Variants in ACACA observed in about 807,000 individuals in gnomAD.
ACACA encodes the protein acetyl-CoA carboxylase alpha.
Under a neutral mutation model 296.1 loss-of-function variants are expected in ACACA, and 103 were observed. The ratio of observed to expected loss-of-function variants is 0.35; its 90% CI spans 0.30 to 0.41. The LOEUF (loss-of-function observed/expected upper bound fraction) is 0.41, where lower values mean the gene tolerates loss of function less well. Among genes scored for constraint, ACACA ranks in the 10% least tolerant of loss-of-function variants. The probability of loss-of-function intolerance (pLI) is 1.00; values close to 1 mark genes in which losing one functional copy is unlikely to be tolerated. For missense variants in ACACA, 1,554 were observed against 2,989.7 expected, an observed-to-expected ratio of 0.52 and a Z score of 11.20; for synonymous variants, 953 against 1,038.6, an observed-to-expected ratio of 0.92 and a Z score of 1.58.
In ACACA at chr17:37,233,651, G is replaced by A. The variant is rs189335255; in HGVS notation, c.3246+1324C>T. On this transcript the variant is annotated intron_variant, in intron 25 of 55. Transcript: ENST00000616317. Reference sequence around the variant, plus strand: ...TTACCCTTTTCTGACAGAAAGTCTTGGCTTTATCCAAATGAGATTTAACAA... The same window carrying A: ...TTACCCTTTTCTGACAGAAAGTCTTAGCTTTATCCAAATGAGATTTAACAA... Among the ~76,000 whole-genome samples the A allele has an allele frequency of 3.9e-5, 6 of 151,988 alleles. No individual in the cohort carries two copies. The East Asian group carries it at 9.7e-4, about 24-fold the overall frequency.
chr17:37,334,503 G>C (rs73285165), intron 2 of ACACA, among the ~76,000 whole-genome samples: 2 of 151,924 alleles, frequency 1.3e-5, no homozygotes, highest in African/African-American at 4.8e-5. Flanking sequence ...AAAGTGGCTG[G>C]AGCGGAGTCT....
chr17:37,128,023 TCAAAAAAAA>T (rs2074892255), intron 47 of ACACA, among the ~76,000 whole-genome samples: 2 of 22,558 alleles, frequency 8.9e-5, no homozygotes, highest in East Asian at 9.2e-4. Flanking sequence ...AAACTCCATC[TCAAAAAAAA>T]AAAAAAAAAA....
intron 50 of ACACA, among the ~76,000 whole-genome samples, chr17:37,118,144 T>C (rs1404022644): frequency 6.6e-6 from 1 of 152,206 alleles, no homozygotes; most frequent in Non-Finnish European, 1.5e-5. Context: ...CTATCTTCCC[T>C]AAGTCTTATT....
chr17:37,094,554 A>G (rs1376191284), intron 54 of ACACA, among the ~76,000 whole-genome samples: 2 of 143,196 alleles, frequency 1.4e-5, no homozygotes, highest in Non-Finnish European at 3.0e-5. Flanking sequence ...CACAGTATCT[A>G]TCATTCTTTG....
rs60788220 is a variant in ACACA, at chr17:37,390,175, T to TATATATATACACACACAC, written c.38+16086_38+16087insGTGTGTGTGTATATATAT. 4.0e-4 allele frequency among the ~76,000 whole-genome samples: 18 copies of TATATATATACACACACAC among 44,484 alleles called. 1 individual carries two copies. The highest frequency in any genetic ancestry group is 2.0e-3 in the African/African-American group (17 of 8,558). The allele number at this position is 44,484 out of a possible 152,430, so 29.2% of individuals were successfully genotyped here. A position where few individuals can be genotyped will look rare whatever the true frequency, so the allele number is the denominator to read the frequency against. On this transcript the variant is annotated intron_variant, in intron 1 of 55. Coordinates refer to ENST00000616317, the MANE Select transcript of ACACA (RefSeq NM_198834.3). The stretch of plus-strand genomic sequence containing the variant: ...ATATATATATATATATATATATATA[T>TATATATATACACACACAC]ACACACACACATTATATATAAATAT...
chr17:37,298,529 A>G (rs755349091), intron 3 of ACACA, among the ~76,000 whole-genome samples: 1 of 151,666 alleles, frequency 6.6e-6, no homozygotes, highest in Non-Finnish European at 1.5e-5. Flanking sequence ...AAAAAACTTG[A>G]AAAAAAAATT....
chr17:37,117,277 C>T (rs551058594), intron 50 of ACACA, among the ~76,000 whole-genome samples: 6 of 152,278 alleles, frequency 3.9e-5, no homozygotes, highest in African/African-American at 1.4e-4. Flanking sequence ...TAATGTCTCT[C>T]CTTAGTTCAT....
Position 37,207,271 on chromosome 17 carries a change from T to G in ACACA, c.3851+386A>C, listed in dbSNP as rs370766650. On this transcript the variant is annotated intron_variant, in intron 31 of 55. Coordinates refer to ENST00000616317, the MANE Select transcript of ACACA (RefSeq NM_198834.3). ...CCCTAGGGTAATGCATCAGTATACATCAAGAGATAGATGCTGAATGCATTT... is the reference window on the plus strand; with the variant it reads ...CCCTAGGGTAATGCATCAGTATACAGCAAGAGATAGATGCTGAATGCATTT... Among the ~76,000 whole-genome samples the G allele has an allele frequency of 2.5e-4, 38 of 152,286 alleles. No individual in the cohort carries two copies. In the South Asian group the frequency reaches 7.9e-3, roughly 32 times the overall value.
intron 25 of ACACA, 80 bp downstream of exon 25, chr17:37,234,895 T>G: frequency 6.6e-7 from 1 of 1,521,534 alleles, no homozygotes; most frequent in Non-Finnish European, 9.1e-7. Flanking sequence ...TTTTTTTCTC[T>G]GGCCATAGCC....
chr17:37,356,831 AACTAAG>A (rs1431428438), intron 1 of ACACA, among the ~76,000 whole-genome samples: 2 of 152,172 alleles, frequency 1.3e-5, no homozygotes, highest in African/African-American at 4.8e-5. Context: ...TTCTTTCCTC[AACTAAG>A]ACTATTAGGA....
intron 19 of ACACA, among the ~76,000 whole-genome samples, 153 bp downstream of exon 19, chr17:37,246,673 T>C (rs1385605193): frequency 1.3e-5 from 2 of 152,114 alleles, no homozygotes; most frequent in Non-Finnish European, 2.9e-5. Flanking sequence ...GCTCAAGCGA[T>C]CTTCCTGCCT....
At chr17:37,142,519 A>C (rs1286127776) in intron 45 of ACACA, among the ~76,000 whole-genome samples, 1 of 152,240 alleles carries the variant, frequency 6.6e-6, no homozygotes, top group Non-Finnish European at 1.5e-5. Context: ...CATAATGCTA[A>C]AGCAAGGATT....
At chr17:37,334,711 C>A (rs1441767420) in intron 2 of ACACA, among the ~76,000 whole-genome samples, 1 of 152,032 alleles carries the variant, frequency 6.6e-6, no homozygotes, top group Non-Finnish European at 1.5e-5. Flanking sequence ...TCTCTTACCC[C>A]CTTTCACTCT....
chr17:37,244,053 A>T (rs577542120), intron 21 of ACACA, among the ~76,000 whole-genome samples: 1 of 152,022 alleles, frequency 6.6e-6, no homozygotes, highest in African/African-American at 2.4e-5. Context: ...CATTGCCCCT[A>T]TTCTCCAGTT....
intron 3 of ACACA, among the ~76,000 whole-genome samples, chr17:37,327,498 G>A (rs546854272): frequency 6.6e-6 from 1 of 152,128 alleles, no homozygotes; most frequent in Non-Finnish European, 1.5e-5. Flanking sequence ...CATGATTTTT[G>A]CAACAGTAAG....
At chr17:37,193,254 G>T in intron 36 of ACACA, 120 bp downstream of exon 36, 1 of 762,098 alleles carries the variant, frequency 1.3e-6, no homozygotes, top group Non-Finnish European at 2.2e-6. Flanking sequence ...GCAACAGGAA[G>T]CACAAGTTCA....
intron 50 of ACACA, 85 bp downstream of exon 50, chr17:37,121,270 G>T: frequency 6.3e-7 from 1 of 1,592,958 alleles, no homozygotes; most frequent in Non-Finnish European, 8.6e-7. Flanking sequence ...GACACCCACA[G>T]ATTCTGCTGA....
chr17:37,375,904 C>T (rs572305245), intron 1 of ACACA: 66 of 517,218 alleles, frequency 1.3e-4, no homozygotes, highest in Non-Finnish European at 1.5e-4. Flanking sequence ...GCAGAATTAG[C>T]CCTTTCTCCA....
intron 45 of ACACA, among the ~76,000 whole-genome samples, chr17:37,135,751 A>G (rs1206709914): frequency 6.6e-6 from 1 of 152,134 alleles, no homozygotes; most frequent in African/African-American, 2.4e-5. Flanking sequence ...AATGTAAAAG[A>G]TAGAGAGGAG....
Sources: allele counts gnomAD v4.1 joint callset (sites outside exome capture counted in the v4.1 genomes callset), GRCh38; gene constraint gnomAD v4.1.1; transcripts MANE v1.5; gene names NCBI Gene and HGNC (gene_info 2026-07-23, HGNC 2026-07-21).